The following GPR89B variants were observed in gnomAD, a reference collection of about 807,000 sequenced individuals.
GPR89B encodes the protein golgi pH regulator B, also known as G protein-coupled receptor 89B.
In GPR89B, 25 loss-of-function variants were observed where a neutral mutation model predicts 52.4. That is an observed-to-expected ratio of 0.48 (90% confidence interval 0.35 to 0.67). GPR89B has a LOEUF of 0.67. Ranked by LOEUF, GPR89B falls within the 30% of genes least tolerant of loss-of-function variation. The probability of loss-of-function intolerance (pLI) is 0.01; values close to 1 mark genes in which losing one functional copy is unlikely to be tolerated. For synonymous variants in GPR89B, 52 were observed against 151.2 expected, an observed-to-expected ratio of 0.34 and a Z score of 4.81; for missense variants, 146 against 450.2, an observed-to-expected ratio of 0.32 and a Z score of 6.11.
chr1:147,995,821 A>G, downstream of GPR89B: 2 of 1,560,060 alleles, frequency 1.3e-6, no homozygotes, highest in Non-Finnish European at 1.8e-6. Flanking sequence ...CATTCACCCC[A>G]TTCACTTCAA....
At chr1:147,959,292 G>A (rs1388141616) in intron 7 of GPR89B, among the ~76,000 whole-genome samples, 5,059 of 152,156 alleles carry the variant, frequency 0.033, 110 homozygotes, top group Admixed American at 0.051. Context: ...GAGATAGGAG[G>A]AAGAAATATA....
intron 7 of GPR89B, among the ~76,000 whole-genome samples, chr1:147,956,842 A>G (rs1229033615): frequency 1.3e-5 from 2 of 151,700 alleles, no homozygotes; most frequent in Non-Finnish European, 2.9e-5. Context: ...GATTCAAGCA[A>G]TTCTCCTGCC....
intron 7 of GPR89B, among the ~76,000 whole-genome samples, chr1:147,957,974 G>C (rs1479020281): frequency 4.6e-5 from 7 of 151,230 alleles, no homozygotes; most frequent in Non-Finnish European, 1.0e-4. Flanking sequence ...TGAGGCAGGA[G>C]AACGGTGTGA....
chr1:147,946,578 G>A (rs1553249829), intron 5 of GPR89B, among the ~76,000 whole-genome samples: 1 of 151,876 alleles, frequency 6.6e-6, no homozygotes, highest in Non-Finnish European at 1.5e-5. Flanking sequence ...AGAAGTCAGA[G>A]AGAAGAGTTA....
chr1:147,957,314 A>G (rs1379742322), intron 7 of GPR89B, among the ~76,000 whole-genome samples: 1 of 152,112 alleles, frequency 6.6e-6, no homozygotes, highest in African/African-American at 2.4e-5. Context: ...ACCTTGAACT[A>G]GTTACTTTAT....
chr1:148,009,426 C>G, the GPR89B span: 1 of 1,610,600 alleles, frequency 6.2e-7, no homozygotes, highest in Non-Finnish European at 8.5e-7. Context: ...AGTTTGCACA[C>G]CTCCATTCAT....
At chr1:148,015,335 C>CTCTCTCTCTCTT in the GPR89B span, among the ~76,000 whole-genome samples, 1 of 137,902 alleles carries the variant, frequency 7.3e-6, no homozygotes, top group Non-Finnish European at 1.5e-5. Context: ...CTCTCTCTCT[C>CTCTCTCTCTCTT]GACGGAGTCT....
At chr1:147,955,308 T>A (rs2149061376) in intron 7 of GPR89B, among the ~76,000 whole-genome samples, 1 of 152,232 alleles carries the variant, frequency 6.6e-6, no homozygotes, top group Non-Finnish European at 1.5e-5. Flanking sequence ...TTTCTGTTGC[T>A]GCACATATAG....
intron 12 of GPR89B, among the ~76,000 whole-genome samples, chr1:147,991,223 G>A (rs1384577351): frequency 2.4e-4 from 37 of 151,886 alleles, no homozygotes; most frequent in Middle Eastern, 6.8e-3. Context: ...GTGAATGGGC[G>A]TTCACTCATG....
the GPR89B span, chr1:148,003,957 A>G: frequency 1.8e-6 from 1 of 568,186 alleles, no homozygotes; most frequent in South Asian, 2.1e-5. Context: ...CAGCAGGAAC[A>G]TGACACGGCT....
chr1:147,942,616 G>T lies in GPR89B; in HGVS notation c.207-822G>T, dbSNP rs1226456020. Among the ~76,000 whole-genome samples, 4 of 148,810 alleles carry T rather than the reference G, an allele frequency of 2.7e-5. No homozygotes were observed. The East Asian group carries it at 7.9e-4, about 29-fold the overall frequency. Reference sequence around the variant, plus strand: ...ATATCCATATAATGGGATGAATATTGTTCAACCATAAAAGGAATTATTGAT... The same window carrying T: ...ATATCCATATAATGGGATGAATATTTTTCAACCATAAAAGGAATTATTGAT... On this transcript the variant is annotated intron_variant, in intron 3 of 13. Transcript: ENST00000314163.
intron 10 of GPR89B, among the ~76,000 whole-genome samples, chr1:147,970,533 CTATCTCTATCTCTCTCTCTCTA>C (rs1657372187): frequency 1.7e-3 from 209 of 126,380 alleles, no homozygotes; most frequent in East Asian, 5.6e-3. Flanking sequence ...CTCTCTCTCT[CTATCTCTATCTCTCTCTCTCTA>C]TCTCTCTCTC....
the GPR89B span, among the ~76,000 whole-genome samples, chr1:148,019,228 A>G: frequency 6.7e-6 from 1 of 149,432 alleles, no homozygotes; most frequent in African/African-American, 2.5e-5. Flanking sequence ...ACCCACCTCG[A>G]CCTCCCAAAG....
chr1:147,951,592 G>T (rs1655701335), intron 5 of GPR89B, among the ~76,000 whole-genome samples: 1 of 151,880 alleles, frequency 6.6e-6, no homozygotes, highest in South Asian at 2.1e-4. Flanking sequence ...AACTAGCAAA[G>T]AAGGAAATAT....
the GPR89B span, chr1:148,005,621 T>G: frequency 8.5e-7 from 1 of 1,170,824 alleles, no homozygotes; most frequent in Non-Finnish European, 1.2e-6. Context: ...GCCTCCCGAT[T>G]CCTACTTCAT....
intron 1 of GPR89B, among the ~76,000 whole-genome samples, chr1:147,929,635 T>G (rs1653365579): frequency 6.6e-6 from 1 of 152,210 alleles, no homozygotes; most frequent in Non-Finnish European, 1.5e-5. Flanking sequence ...GAACTAAATT[T>G]GTGTTCTTTG....
chr1:147,992,370 C>G, intron 12 of GPR89B, 132 bp from the exon 13 acceptor site: 2 of 720,676 alleles, frequency 2.8e-6, no homozygotes, highest in East Asian at 4.9e-5. Flanking sequence ...TAGTCTTAAT[C>G]ATATGAATTG....
chr1:147,952,841 G>A (rs1655825245), intron 5 of GPR89B, among the ~76,000 whole-genome samples: 2 of 150,576 alleles, frequency 1.3e-5, no homozygotes, highest in Admixed American at 1.3e-4. Context: ...TATAAGTTTA[G>A]TCCTTTTATT....
At chr1:148,013,752 T>A in the GPR89B span, among the ~76,000 whole-genome samples, 1 of 151,980 alleles carries the variant, frequency 6.6e-6, no homozygotes, top group Non-Finnish European at 1.5e-5. Context: ...TCAGGGTCTC[T>A]GTCCTCCTGG....
Sources: allele counts gnomAD v4.1 joint callset (sites outside exome capture counted in the v4.1 genomes callset), GRCh38; gene constraint gnomAD v4.1.1; transcripts MANE v1.5; gene names NCBI Gene and HGNC (gene_info 2026-07-23, HGNC 2026-07-21).